PDE7B: variants seen among roughly 807,000 people sequenced by gnomAD.
PDE7B encodes the protein 3',5'-cyclic-AMP phosphodiesterase 7B.
A neutral mutation model predicts 56.2 loss-of-function variants in PDE7B; 29 were observed. That is an observed-to-expected ratio of 0.52 (90% CI 0.38 to 0.70). The LOEUF (loss-of-function observed/expected upper bound fraction) is 0.70. PDE7B is among the 30% of genes least tolerant of loss of function. The pLI is 0.00. For missense variants in PDE7B, 490 were observed against 565.0 expected (o/e 0.87, Z 1.35); for synonymous variants, 197 against 196.9 (o/e 1.00, Z 0.00).
intron 1 of PDE7B, among the ~76,000 whole-genome samples, chr6:135,941,173 T>C (rs1186147552): frequency 6.6e-6 from 1 of 152,372 alleles, no homozygotes; most frequent in Non-Finnish European, 1.5e-5. Flanking sequence ...AGATGTACTT[T>C]ACTTTCCACT....
At chr6:136,050,171 C>T (rs1458914183) in intron 2 of PDE7B, among the ~76,000 whole-genome samples, 2 of 152,194 alleles carry the variant, frequency 1.3e-5, no homozygotes, top group Admixed American at 1.3e-4. Flanking sequence ...GTCCTTTTCA[C>T]TCCCAAATAC....
intron 1 of PDE7B, among the ~76,000 whole-genome samples, chr6:135,944,402 T>C (rs1481630651): frequency 6.6e-6 from 1 of 152,116 alleles, no homozygotes; most frequent in African/African-American, 2.4e-5. Context: ...AGAAAGAAAC[T>C]GGTTTTTTTC....
chr6:135,956,730 T>C (rs1010783166), intron 2 of PDE7B, among the ~76,000 whole-genome samples: 1 of 150,606 alleles, frequency 6.6e-6, no homozygotes, highest in African/African-American at 2.4e-5. Flanking sequence ...CAGTGAACCA[T>C]GATGGCACCA....
intron 2 of PDE7B, among the ~76,000 whole-genome samples, chr6:136,031,321 A>T (rs931740176): frequency 3.9e-5 from 6 of 152,216 alleles, no homozygotes; most frequent in African/African-American, 1.4e-4. Flanking sequence ...AGACTTCTGG[A>T]ATCAGAAATC....
At chr6:136,138,556 T>C (rs1778256011) in intron 3 of PDE7B, among the ~76,000 whole-genome samples, 1 of 152,184 alleles carries the variant, frequency 6.6e-6, no homozygotes, top group Non-Finnish European at 1.5e-5. Flanking sequence ...TTTAGAAAGC[T>C]ACCTTGAGGA....
At position 135,886,639 on chromosome 6, in the gene PDE7B, A is replaced by G. The variant is rs145526223; in HGVS notation, c.21+34620A>G. Among the ~76,000 whole-genome samples, 494 of 152,240 alleles carry G rather than the reference A, an allele frequency of 3.2e-3. 7 individuals carry two copies. The highest frequency in any genetic ancestry group is 9.3e-3 in the African/African-American group (388 of 41,556). ...TATGATATTTGCTTTTCCATTCCTG[A>G]GCTACTTCACTTAGAATAGTGGCCT... On this transcript the variant is annotated intron_variant, in intron 1 of 12. Transcript: ENST00000308191.
chr6:136,053,938 G>T (rs189425000), intron 2 of PDE7B, among the ~76,000 whole-genome samples: 365 of 152,266 alleles, frequency 2.4e-3, no homozygotes, highest in Middle Eastern at 0.01. Flanking sequence ...GGAGTTCATT[G>T]TAGATTCTGG....
Position 135,906,821 on chromosome 6 carries a change from T to TG in PDE7B, c.22-40643_22-40642insG, listed in dbSNP as rs906590193. Among the ~76,000 whole-genome samples the TG allele has an allele frequency of 1.0e-4, 15 of 146,022 alleles. 1 individual carries two copies. The highest frequency in any genetic ancestry group is 1.3e-4 in the African/African-American group (5 of 39,454). ...TGTTAATGAGGTTTGTTTTTTTTTT[T>TG]TTTTTTTTTTTTTTTAATCCTCTAG... On this transcript the variant is annotated intron_variant, in intron 1 of 12. Transcript: ENST00000308191.
At chr6:136,021,980 GTC>G (rs1004150046) in intron 2 of PDE7B, among the ~76,000 whole-genome samples, 1 of 152,166 alleles carries the variant, frequency 6.6e-6, no homozygotes, top group African/African-American at 2.4e-5. Context: ...TGGTCACTGA[GTC>G]TCTGTCACTG....
At chr6:135,946,079 T>G (rs997909405) in intron 1 of PDE7B, among the ~76,000 whole-genome samples, 1 of 152,116 alleles carries the variant, frequency 6.6e-6, no homozygotes, top group African/African-American at 2.4e-5. Context: ...TTTTTGCTTT[T>G]TCTATAAATT....
intron 2 of PDE7B, among the ~76,000 whole-genome samples, chr6:136,041,902 T>C (rs1032778357): frequency 6.6e-6 from 1 of 152,178 alleles, no homozygotes; most frequent in Non-Finnish European, 1.5e-5. Context: ...AGCATTTCGA[T>C]TGCCCAACTC....
intron 1 of PDE7B, among the ~76,000 whole-genome samples, chr6:135,909,873 C>G (rs12529766): frequency 0.14 from 21,061 of 151,974 alleles, 1,823 homozygotes; most frequent in East Asian, 0.41. Flanking sequence ...CTCGGATCCT[C>G]GGCAAACGCA....
chr6:136,079,758 T>G (rs932440000), intron 2 of PDE7B, among the ~76,000 whole-genome samples: 2 of 149,638 alleles, frequency 1.3e-5, no homozygotes, highest in Non-Finnish European at 3.0e-5. Context: ...ACTTTCCCAC[T>G]GTTTCCAGTG....
intron 2 of PDE7B, among the ~76,000 whole-genome samples, chr6:136,008,296 A>G (rs543705167): frequency 1.3e-5 from 2 of 152,102 alleles, no homozygotes; most frequent in African/African-American, 2.4e-5. Flanking sequence ...ATAAACATAC[A>G]TGTGCATGTG....
chr6:135,999,488 C>T lies in PDE7B; in HGVS notation c.82+51964C>T, dbSNP rs1775628611. 3.9e-5 allele frequency among the ~76,000 whole-genome samples: 6 copies of T among 151,994 alleles called. No homozygotes were observed. In the South Asian group the frequency reaches 1.2e-3, roughly 32 times the overall value. ...TGAGTTCATGAGTTCTATTTACCTCCCTCTTATAAGTAAGAACATGTGGTA... is the reference window on the plus strand; with the variant it reads ...TGAGTTCATGAGTTCTATTTACCTCTCTCTTATAAGTAAGAACATGTGGTA... On this transcript the variant is annotated intron_variant, in intron 2 of 12. Coordinates refer to ENST00000308191, the MANE Select transcript of PDE7B (RefSeq NM_018945.4).
At chr6:136,038,468 C>G (rs982831678) in intron 2 of PDE7B, 1 of 1,289,932 alleles carries the variant, frequency 7.8e-7, no homozygotes, top group Non-Finnish European at 1.0e-6. Flanking sequence ...CAAAAGTGAG[C>G]TGCAGGCGAC....
At chr6:136,032,642 G>A (rs980891280) in intron 2 of PDE7B, among the ~76,000 whole-genome samples, 10 of 152,144 alleles carry the variant, frequency 6.6e-5, no homozygotes, top group African/African-American at 1.9e-4. Flanking sequence ...CCAAATTTCC[G>A]AAGTGAGACC....
At chr6:135,877,755 A>AAC (rs1288624435) in intron 1 of PDE7B, among the ~76,000 whole-genome samples, 13 of 143,068 alleles carry the variant, frequency 9.1e-5, no homozygotes, top group African/African-American at 3.8e-4. Context: ...AACAAAACAA[A>AAC]AAAAAAAAAA....
intron 2 of PDE7B, among the ~76,000 whole-genome samples, chr6:136,020,974 A>G (rs1776060363): frequency 6.6e-6 from 1 of 152,188 alleles, no homozygotes; most frequent in South Asian, 2.1e-4. Context: ...AGTTCCTACA[A>G]GTGCAAGAGC....
Sources: gnomAD v4.1 joint callset for allele counts (sites outside exome capture counted in the v4.1 genomes callset) on GRCh38, gnomAD v4.1.1 for gene constraint, MANE v1.5 for transcripts, NCBI Gene and HGNC (gene_info 2026-07-23, HGNC 2026-07-21) for gene names.